Variants in WDR70 observed in about 807,000 individuals in gnomAD.
WDR70 encodes WD repeat domain 70.
A neutral mutation model predicts 88.6 loss-of-function variants in WDR70; 53 were observed. The observed-to-expected ratio is 0.60, with a 90% CI of 0.48 to 0.75. The LOEUF (loss-of-function observed/expected upper bound fraction) is 0.75. Among genes scored for constraint, WDR70 ranks in the 30% least tolerant of loss-of-function variants. WDR70 has a pLI of 0.00. For synonymous variants in WDR70, 280 were observed against 270.0 expected (o/e 1.04, Z -0.36); for missense variants, 610 against 823.2 (o/e 0.74, Z 3.17).
At chr5:37,464,087 CTT>C (rs778166508) in intron 7 of WDR70, among the ~76,000 whole-genome samples, 33 of 152,184 alleles carry the variant, frequency 2.2e-4, no homozygotes, top group Non-Finnish European at 4.6e-4. Context: ...ACTGTTTCTA[CTT>C]TGTCTTCTTA....
intron 12 of WDR70, 51 bp downstream of exon 12, chr5:37,701,193 GTACTTT>G (rs780850465): frequency 4.2e-6 from 5 of 1,180,422 alleles, no homozygotes; most frequent in African/African-American, 3.1e-5. Flanking sequence ...TGGAAAAGAA[GTACTTT>G]TACTTTAATG....
chr5:37,750,824 A>G (rs1188347158), intron 17 of WDR70, among the ~76,000 whole-genome samples: 1 of 152,216 alleles, frequency 6.6e-6, no homozygotes, highest in East Asian at 1.9e-4. Context: ...CCTCTTTTAT[A>G]AATTACCTAG....
chr5:37,583,525 T>A (rs1743279013), intron 9 of WDR70, among the ~76,000 whole-genome samples: 1 of 107,490 alleles, frequency 9.3e-6, no homozygotes, highest in African/African-American at 2.7e-5. Flanking sequence ...AAGGGATGAT[T>A]GGCTATGACA....
intron 13 of WDR70, among the ~76,000 whole-genome samples, chr5:37,714,271 T>C (rs1198563004): frequency 6.6e-6 from 1 of 152,230 alleles, no homozygotes; most frequent in Non-Finnish European, 1.5e-5. Flanking sequence ...GCATTACTGT[T>C]TTATTTATAT....
chr5:37,532,213 T>TGATA (rs1741515249), intron 9 of WDR70, among the ~76,000 whole-genome samples: 1 of 152,212 alleles, frequency 6.6e-6, no homozygotes, highest in South Asian at 2.1e-4. Context: ...TCTTGACTTT[T>TGATA]GATAACCTGA....
intron 10 of WDR70, among the ~76,000 whole-genome samples, chr5:37,695,034 A>G (rs1052949405): frequency 2.0e-5 from 3 of 152,176 alleles, no homozygotes; most frequent in Non-Finnish European, 4.4e-5. Flanking sequence ...TATTTGGCTC[A>G]TGGTTCTGCA....
intron 8 of WDR70, among the ~76,000 whole-genome samples, chr5:37,502,672 T>C (rs1740440454): frequency 6.6e-6 from 1 of 152,186 alleles, no homozygotes; most frequent in Non-Finnish European, 1.5e-5. Context: ...GAAAAGAAGT[T>C]TAACTGGCTT....
chr5:37,659,499 T>C (rs1745643556), intron 10 of WDR70, among the ~76,000 whole-genome samples: 1 of 152,250 alleles, frequency 6.6e-6, no homozygotes, highest in South Asian at 2.1e-4. Flanking sequence ...ATAGGAATTT[T>C]ATTTGAAATA....
chr5:37,638,037 G>A (rs1745018241), intron 10 of WDR70, among the ~76,000 whole-genome samples: 1 of 152,064 alleles, frequency 6.6e-6, no homozygotes. Context: ...AATCTGGCTG[G>A]GATCCGGGAT....
At chr5:37,750,974 A>C (rs1748790535) in intron 17 of WDR70, among the ~76,000 whole-genome samples, 1 of 152,228 alleles carries the variant, frequency 6.6e-6, no homozygotes, top group South Asian at 2.1e-4. Context: ...AGAAACTAGC[A>C]TTGCAATTTC....
At chr5:37,521,624 T>C (rs1232434417) in intron 9 of WDR70, among the ~76,000 whole-genome samples, 1 of 152,122 alleles carries the variant, frequency 6.6e-6, no homozygotes, top group African/African-American at 2.4e-5. Flanking sequence ...TCACTTAGAA[T>C]AATAGTCTTC....
chr5:37,667,777 C>T (rs529209805), intron 10 of WDR70, among the ~76,000 whole-genome samples: 70 of 135,630 alleles, frequency 5.2e-4, no homozygotes, highest in African/African-American at 2.0e-3. Context: ...AGACCTTGCT[C>T]TAGGTATATG....
intron 9 of WDR70, among the ~76,000 whole-genome samples, chr5:37,590,114 C>T (rs1370664382): frequency 2.0e-5 from 3 of 152,008 alleles, no homozygotes; most frequent in Non-Finnish European, 4.4e-5. Flanking sequence ...TACTGATGGT[C>T]TTTTCTAGGA....
In WDR70 at chr5:37,400,026, G is replaced by A. The variant is rs1012310279; in HGVS notation, c.492+3456G>A. On this transcript the variant is annotated intron_variant, in intron 5 of 17. Transcript: ENST00000265107. ...CAGCTCACTGCAACCTCCGTCTCCC[G>A]GGTTCAAGTGATTCTCCTGCCTCAG... is the stretch of plus-strand genomic sequence containing the variant. 3.3e-5 allele frequency among the ~76,000 whole-genome samples: 5 copies of A among 152,050 alleles called. No individual in the cohort carries two copies. In the East Asian group the frequency reaches 5.8e-4, roughly 18 times the overall value.
At chr5:37,676,608 T>C (rs1258303427) in intron 10 of WDR70, among the ~76,000 whole-genome samples, 2 of 151,974 alleles carry the variant, frequency 1.3e-5, no homozygotes, top group Non-Finnish European at 2.9e-5. Flanking sequence ...TGGATAAGCT[T>C]TTTGATGTGC....
chr5:37,528,900 T>TA, intron 9 of WDR70, among the ~76,000 whole-genome samples: 1 of 122,690 alleles, frequency 8.2e-6, no homozygotes, highest in East Asian at 2.3e-4. Flanking sequence ...AGCCAATGTC[T>TA]AGAGGGGGTT....
intron 9 of WDR70, among the ~76,000 whole-genome samples, chr5:37,588,895 G>T (rs950161665): frequency 6.6e-6 from 1 of 152,022 alleles, no homozygotes; most frequent in Non-Finnish European, 1.5e-5. Flanking sequence ...CTCCCTAGTA[G>T]CTGGGATTAC....
rs374822354 is a variant in WDR70, at chr5:37,602,212, G to GTA, written c.918-2841_918-2840dup. ...CTGCACATGTACCCCAGAACTTAAA[G>GTA]TATATATATATAAAAAGAAATTAAG... On this transcript the variant is annotated intron_variant, in intron 9 of 17. Transcript: ENST00000265107. Among the ~76,000 whole-genome samples the GTA allele has an allele frequency of 2.9e-3, 435 of 151,656 alleles. 5 individuals are homozygous for GTA. Among genetic ancestry groups the GTA allele is most frequent in the African/African-American group, 9.3e-3 (386 of 41,284 alleles).
intron 9 of WDR70, among the ~76,000 whole-genome samples, chr5:37,563,895 G>A (rs1341652306): frequency 3.0e-5 from 4 of 133,978 alleles, no homozygotes; most frequent in South Asian, 2.8e-4. Flanking sequence ...CAGACGGGGC[G>A]GCCGGGCAGA....
Sources: gnomAD v4.1 joint callset for allele counts (sites outside exome capture counted in the v4.1 genomes callset) on GRCh38, gnomAD v4.1.1 for gene constraint, MANE v1.5 for transcripts, NCBI Gene and HGNC (gene_info 2026-07-23, HGNC 2026-07-21) for gene names.